ZMIZ1: variants seen among roughly 807,000 people sequenced by gnomAD.
The protein encoded by ZMIZ1 is zinc finger MIZ-type containing 1, also known as zinc finger MIZ domain-containing protein 1.
Under a neutral mutation model 113.9 loss-of-function variants are expected in ZMIZ1, and 17 were observed. The ratio of observed to expected loss-of-function variants is 0.15; its 90% CI spans 0.10 to 0.22. The LOEUF (loss-of-function observed/expected upper bound fraction) is 0.22, where lower values mean the gene tolerates loss of function less well. ZMIZ1 is among the 10% of genes least tolerant of loss of function. The pLI is 1.00. For synonymous variants in ZMIZ1, 607 were observed against 603.1 expected, an observed-to-expected ratio of 1.01 and a Z score of -0.09; for missense variants, 1,059 against 1,477.8, an observed-to-expected ratio of 0.72 and a Z score of 4.65.
At chr10:79,145,882 A>T (rs780155) in intron 3 of ZMIZ1, among the ~76,000 whole-genome samples, 21,642 of 152,078 alleles carry the variant, frequency 0.14, 1,934 homozygotes, top group South Asian at 0.29. Flanking sequence ...AATTTTTAAA[A>T]TTTTTATTAG....
At chr10:79,232,486 C>T (rs1849431115) in intron 7 of ZMIZ1, among the ~76,000 whole-genome samples, 1 of 152,124 alleles carries the variant, frequency 6.6e-6, no homozygotes, top group Non-Finnish European at 1.5e-5. Flanking sequence ...TCCTCTCTGA[C>T]ATGAATGTCA....
chr10:79,215,794 A>G (rs966743117), intron 6 of ZMIZ1, among the ~76,000 whole-genome samples: 1 of 151,946 alleles, frequency 6.6e-6, no homozygotes, highest in Admixed American at 6.6e-5. Flanking sequence ...TGGAAGGGAG[A>G]TGGAAGAGCC....
intron 7 of ZMIZ1, 96 bp downstream of exon 7, chr10:79,216,370 C>T: frequency 9.2e-7 from 1 of 1,091,100 alleles, no homozygotes; most frequent in Non-Finnish European, 1.3e-6. Context: ...CTTCTGGTGC[C>T]TCCATTTGTC....
At chr10:79,122,187 C>T (rs796112950) in intron 2 of ZMIZ1, among the ~76,000 whole-genome samples, 11 of 152,240 alleles carry the variant, frequency 7.2e-5, no homozygotes, top group African/African-American at 2.4e-4. Flanking sequence ...GGCCCACGAC[C>T]TTGGGCAAGT....
chr10:79,123,405 G>A (rs1377034891), intron 2 of ZMIZ1, among the ~76,000 whole-genome samples: 2 of 152,140 alleles, frequency 1.3e-5, no homozygotes, highest in East Asian at 3.9e-4. Flanking sequence ...GGGATTCAAC[G>A]AAGTAAGCCA....
intron 1 of ZMIZ1, among the ~76,000 whole-genome samples, chr10:79,088,507 T>C (rs550216305): frequency 6.6e-6 from 1 of 152,272 alleles, no homozygotes; most frequent in African/African-American, 2.4e-5. Flanking sequence ...CGGTTAAAGG[T>C]GCAGGACAGC....
intron 7 of ZMIZ1, among the ~76,000 whole-genome samples, chr10:79,218,603 G>GTGTGTC (rs1554818334): frequency 1.1e-4 from 16 of 151,848 alleles, no homozygotes; most frequent in East Asian, 5.8e-4. Context: ...GTGTGTGTGT[G>GTGTGTC]TGTCTGTCTG....
intron 1 of ZMIZ1, among the ~76,000 whole-genome samples, chr10:79,112,885 C>T (rs892138473): frequency 5.3e-5 from 8 of 152,222 alleles, no homozygotes; most frequent in African/African-American, 1.7e-4. Flanking sequence ...AACCACACTC[C>T]CCAGAATGTT....
chr10:79,087,061 A>AT (rs1842838670), intron 1 of ZMIZ1, among the ~76,000 whole-genome samples: 1 of 152,144 alleles, frequency 6.6e-6, no homozygotes, highest in African/African-American at 2.4e-5. Flanking sequence ...GTTAGACTAG[A>AT]TTTTATCTGC....
At chr10:79,269,702 C>T (rs753514388) in intron 7 of ZMIZ1, among the ~76,000 whole-genome samples, 21 of 152,180 alleles carry the variant, frequency 1.4e-4, no homozygotes, top group Non-Finnish European at 2.5e-4. Context: ...CCATTCCTGA[C>T]CGCCAGATCT....
At chr10:79,293,254 C>A (rs184962897) in intron 11 of ZMIZ1, 127 bp from the exon 12 acceptor site, 4 of 1,352,928 alleles carry the variant, frequency 3.0e-6, no homozygotes, top group Non-Finnish European at 4.0e-6. Flanking sequence ...CAGTCACTGC[C>A]GCACAGGACA....
chr10:79,196,822 C>T (rs530084463), intron 4 of ZMIZ1, among the ~76,000 whole-genome samples: 89 of 152,328 alleles, frequency 5.8e-4, no homozygotes, highest in Non-Finnish European at 1.1e-3. Flanking sequence ...AGAGGTAGAC[C>T]CTTATGGGTC....
At chr10:79,101,138 G>T (rs1843351701) in intron 1 of ZMIZ1, among the ~76,000 whole-genome samples, 1 of 152,174 alleles carries the variant, frequency 6.6e-6, no homozygotes, top group African/African-American at 2.4e-5. Flanking sequence ...CTCTCCCCTT[G>T]ATGAGTAATT....
Position 79,311,677 on chromosome 10 carries a change from G to T in ZMIZ1, c.3096+493G>T, listed in dbSNP as rs183707795. 2.8e-4 allele frequency among the ~76,000 whole-genome samples: 43 copies of T among 152,210 alleles called. No individual in the cohort carries two copies. In the East Asian group the frequency reaches 8.4e-3, roughly 30 times the overall value. ...CACTCCAAGAGGCCCCCATGTGGGT[G>T]ACAGAAGGTGGGGGCAGAGGGGGCA... On this transcript the variant is annotated intron_variant, in intron 24 of 24. Coordinates refer to ENST00000334512, the MANE Select transcript of ZMIZ1 (RefSeq NM_020338.4).
At chr10:79,238,628 T>C (rs535697360) in intron 7 of ZMIZ1, among the ~76,000 whole-genome samples, 1 of 152,352 alleles carries the variant, frequency 6.6e-6, no homozygotes, top group South Asian at 2.1e-4. Flanking sequence ...ACAGCTCTAA[T>C]TGACTGTGTG....
chr10:79,134,887 T>C (rs560715687), intron 2 of ZMIZ1, among the ~76,000 whole-genome samples: 27 of 152,264 alleles, frequency 1.8e-4, no homozygotes, highest in African/African-American at 6.3e-4. Flanking sequence ...GGTGCTATCT[T>C]GGCTCACTGC....
chr10:79,276,310 C>T (rs1362012866), intron 7 of ZMIZ1, among the ~76,000 whole-genome samples: 6 of 152,316 alleles, frequency 3.9e-5, no homozygotes, highest in East Asian at 1.9e-4. Flanking sequence ...AGCTGAGACA[C>T]GATGGACAGC....
At chr10:79,225,298 C>G (rs1441427495) in intron 7 of ZMIZ1, among the ~76,000 whole-genome samples, 1 of 152,144 alleles carries the variant, frequency 6.6e-6, no homozygotes, top group Non-Finnish European at 1.5e-5. Flanking sequence ...ATATTGCTTC[C>G]TTAAATGGCA....
At chr10:79,078,908 G>A (rs1265411466) in intron 1 of ZMIZ1, among the ~76,000 whole-genome samples, 1 of 151,880 alleles carries the variant, frequency 6.6e-6, no homozygotes, top group Non-Finnish European at 1.5e-5. Flanking sequence ...TTTGGGAAAC[G>A]CCCGCGTAAA....
Sources: gnomAD v4.1 joint callset for allele counts (sites outside exome capture counted in the v4.1 genomes callset) on GRCh38, gnomAD v4.1.1 for gene constraint, MANE v1.5 for transcripts, NCBI Gene and HGNC (gene_info 2026-07-23, HGNC 2026-07-21) for gene names.